AOX1: variants seen among roughly 807,000 people sequenced by gnomAD.
AOX1 encodes the protein aldehyde oxidase.
AOX1 carries 153 observed loss-of-function variants against 169.5 expected under a neutral mutation model. That is an observed-to-expected ratio of 0.90 (90% CI 0.79 to 1.03). The LOEUF is 1.03. AOX1 is among the 50% of genes least tolerant of loss of function. The pLI, the probability that AOX1 is intolerant of heterozygous loss-of-function variation, is 0.00. For missense variants in AOX1, 1,656 were observed against 1,663.9 expected, an observed-to-expected ratio of 1.00 and a Z score of 0.08; for synonymous variants, 562 against 581.9, an observed-to-expected ratio of 0.97 and a Z score of 0.49.
At chr2:200,625,372 C>A (rs1489550344) in intron 19 of AOX1, among the ~76,000 whole-genome samples, 3 of 152,128 alleles carry the variant, frequency 2.0e-5, no homozygotes, top group Non-Finnish European at 2.9e-5. Flanking sequence ...TCTCCACTCC[C>A]CCTACCTTCC....
chr2:200,670,498 C>T, intron 34 of AOX1, 131 bp from the exon 35 acceptor site: 2 of 712,454 alleles, frequency 2.8e-6, no homozygotes, highest in East Asian at 2.5e-5. Context: ...ACTTCACAGG[C>T]TGTTGTTCCC....
At chr2:200,646,223 G>A (rs777776424) in intron 25 of AOX1, among the ~76,000 whole-genome samples, 16 of 152,184 alleles carry the variant, frequency 1.1e-4, no homozygotes, top group East Asian at 3.9e-4. Flanking sequence ...TCTTAGCACC[G>A]CGTTTGCTGT....
At position 200,651,260 on chromosome 2, in the gene AOX1, G is replaced by A. The variant is rs183118581; in HGVS notation, c.3075+59G>A. 1.1e-5 allele frequency: 16 copies of A among 1,482,536 alleles called. No individual in the cohort carries two copies. The East Asian group carries it at 2.7e-4, about 25-fold the overall frequency. 91.8% of individuals were successfully genotyped at this position (1,482,536 alleles called of 1,614,324 possible). A position where few individuals can be genotyped will look rare whatever the true frequency, so the allele number is the denominator to read the frequency against. On this transcript the variant is annotated intron_variant, in intron 26 of 34. Transcript: ENST00000374700. ...TGGAAGCAGCCCTGACAAAGCAAGA[G>A]GTGTTGAGGAAACTTCTCCTTAAGT...
At chr2:200,652,704 A>G (rs2035603995) in intron 26 of AOX1, among the ~76,000 whole-genome samples, 1 of 152,156 alleles carries the variant, frequency 6.6e-6, no homozygotes, top group African/African-American at 2.4e-5. Flanking sequence ...CCATTACTTT[A>G]TATCTGGCCT....
intron 25 of AOX1, among the ~76,000 whole-genome samples, chr2:200,646,422 A>G (rs2035454167): frequency 6.6e-6 from 1 of 152,064 alleles, no homozygotes; most frequent in Non-Finnish European, 1.5e-5. Flanking sequence ...GGTCTGAGAG[A>G]GTGCTTGATA....
At chr2:200,610,140 C>T (rs1392973012) in intron 12 of AOX1, among the ~76,000 whole-genome samples, 1 of 151,036 alleles carries the variant, frequency 6.6e-6, no homozygotes, top group Non-Finnish European at 1.5e-5. Context: ...GGCACAATCT[C>T]AGCTCACTGC....
rs1360309244 is a variant in AOX1, at chr2:200,602,266, T to C, written c.437-18T>C. The C allele has an allele frequency of 6.2e-7, 1 of 1,613,218 alleles. No individual in the cohort carries two copies. The highest frequency in any genetic ancestry group is 1.3e-5 in the African/African-American group (1 of 74,982). ...ATCTGGGTCACTTGGCTAACAGAGC[T>C]GGGTTTTTCTCCTTCAGGTAACCTG... On this transcript the variant is annotated intron_variant, in intron 5 of 34. Transcript: ENST00000374700.
At chr2:200,624,321 C>T (rs141718726) in intron 19 of AOX1, among the ~76,000 whole-genome samples, 119 of 152,320 alleles carry the variant, frequency 7.8e-4, no homozygotes, top group Middle Eastern at 3.4e-3. Context: ...CTAATTAAGC[C>T]ACTTAGGTCA....
At chr2:200,618,087 C>T (rs1464072406) in intron 16 of AOX1, among the ~76,000 whole-genome samples, 1 of 152,152 alleles carries the variant, frequency 6.6e-6, no homozygotes, top group Non-Finnish European at 1.5e-5. Flanking sequence ...AATAAGTAAA[C>T]TTTTCTCTCA....
At position 200,660,084 on chromosome 2, in the gene AOX1, T is replaced by C. The variant is rs200300936; in HGVS notation, c.3375+15T>C. On this transcript the variant is annotated intron_variant, in intron 29 of 34. Transcript: ENST00000374700. The stretch of plus-strand genomic sequence containing the variant: ...GGAAAGACTGGGTGAGAATCAATGG[T>C]TCTCTGTATTTTATTTTAGAAGAAA... 5.9e-4 allele frequency: 952 copies of C among 1,601,830 alleles called. 3 individuals carry two copies. Among genetic ancestry groups the C allele is most frequent in the Middle Eastern group, 5.5e-3 (33 of 6,026 alleles).
At chr2:200,636,801 G>T in intron 21 of AOX1, 110 bp from the exon 22 acceptor site, 1 of 1,296,614 alleles carries the variant, frequency 7.7e-7, no homozygotes, top group East Asian at 2.4e-5. Context: ...TCCATTTCAG[G>T]GGACAGGTTT....
In AOX1 at chr2:200,657,191, T is replaced by TATA. The variant is rs1491522418; in HGVS notation, c.3171+254_3171+255insATA. ...ATATATATATATATATATATATATATTTTTTTTTTTTTTTAATTAGCAGGG... is the reference window on the plus strand; with the variant it reads ...ATATATATATATATATATATATATATATATTTTTTTTTTTTTTAATTAGCAGGG... On this transcript the variant is annotated intron_variant, in intron 27 of 34. Transcript: ENST00000374700. Among the ~76,000 whole-genome samples the TATA allele has an allele frequency of 2.3e-3, 103 of 45,484 alleles. 1 individual carries two copies. Among genetic ancestry groups the TATA allele is most frequent in the South Asian group, 2.8e-3 (3 of 1,078 alleles). 29.8% of individuals were successfully genotyped at this position (45,484 alleles called of 152,430 possible). A position where few individuals can be genotyped will look rare whatever the true frequency, so the allele number is the denominator to read the frequency against.
intron 3 of AOX1, among the ~76,000 whole-genome samples, chr2:200,595,862 C>T (rs1197119138): frequency 6.6e-6 from 1 of 152,212 alleles, no homozygotes; most frequent in Non-Finnish European, 1.5e-5. Flanking sequence ...ATTCTCCATA[C>T]ATCAGCCAGA....
rs112754340 is a variant in AOX1 at position 200,666,462 on chromosome 2, A to T, written c.3544-225A>T. ...AATATTTTTTTCTCCTATTATTTCCAAGAAAAAAAGACAGTGCTTCAGCTG... is the reference window on the plus strand; with the variant it reads ...AATATTTTTTTCTCCTATTATTTCCTAGAAAAAAAGACAGTGCTTCAGCTG... On this transcript the variant is annotated intron_variant, in intron 31 of 34. Coordinates refer to ENST00000374700, the MANE Select transcript of AOX1 (RefSeq NM_001159.4). Among the ~76,000 whole-genome samples the T allele has an allele frequency of 3.4e-3, 513 of 152,352 alleles. 3 individuals carry two copies. Among genetic ancestry groups the T allele is most frequent in the African/African-American group, 0.012 (479 of 41,580 alleles).
At chr2:200,661,675 T>G in intron 30 of AOX1, 44 bp downstream of exon 30, 1 of 1,478,880 alleles carries the variant, frequency 6.8e-7, no homozygotes, top group Non-Finnish European at 9.4e-7. Context: ...AGAACAGTGG[T>G]ATCTTGAGGA....
intron 16 of AOX1, 32 bp downstream of exon 16, chr2:200,616,095 C>T: frequency 6.7e-7 from 1 of 1,492,344 alleles, no homozygotes; most frequent in African/African-American, 1.4e-5. Flanking sequence ...TAAAAATTCA[C>T]AATCTGGGCT....
chr2:200,633,758 G>T (rs1449881192), intron 20 of AOX1, among the ~76,000 whole-genome samples: 1 of 152,134 alleles, frequency 6.6e-6, no homozygotes, highest in African/African-American at 2.4e-5. Flanking sequence ...TGGTATGAAT[G>T]ATATTTGATT....
rs1408906742 is a variant in AOX1, at chr2:200,671,423, T to C, written c.*744T>C. 6.6e-6 allele frequency: 1 copy of C among 152,250 alleles called. No homozygotes were observed. The highest frequency in any genetic ancestry group is 2.4e-5 in the African/African-American group (1 of 41,466). 9.4% of individuals were successfully genotyped at this position (152,250 alleles called of 1,614,324 possible). On this transcript the variant is annotated 3_prime_UTR_variant, in exon 35 of 35. Transcript: ENST00000374700. ...CCCTAACTACTCTGACTTGATCATT[T>C]AACATTCTGTGTATGTAACAAAATA...
intron 20 of AOX1, among the ~76,000 whole-genome samples, chr2:200,629,746 C>T (rs896696682): frequency 1.1e-4 from 17 of 152,116 alleles, no homozygotes; most frequent in African/African-American, 3.9e-4. Context: ...AGGGGGGTTC[C>T]TTGTTTCATG....
Sources: gnomAD v4.1 joint callset for allele counts (sites outside exome capture counted in the v4.1 genomes callset) on GRCh38, gnomAD v4.1.1 for gene constraint, MANE v1.5 for transcripts, NCBI Gene and HGNC (gene_info 2026-07-23, HGNC 2026-07-21) for gene names.